NAV3: variants seen among roughly 807,000 people sequenced by gnomAD.
NAV3 encodes the protein pore membrane and/or filament interacting like protein 1.
Under a neutral mutation model 244.7 loss-of-function variants are expected in NAV3, and 87 were observed. The ratio of observed to expected loss-of-function variants is 0.36; its 90% confidence interval spans 0.30 to 0.42. NAV3 has a LOEUF of 0.42. Among genes scored for constraint, NAV3 ranks in the 20% least tolerant of loss-of-function variants. The pLI, the probability that NAV3 is intolerant of heterozygous loss-of-function variation, is 1.00. For synonymous variants in NAV3, 1,126 were observed against 1,042.2 expected, an observed-to-expected ratio of 1.08 and a Z score of -1.55; for missense variants, 2,663 against 2,893.3, an observed-to-expected ratio of 0.92 and a Z score of 1.83.
At chr12:77,684,270 C>T (rs1355484508) in intron 2 of NAV3, among the ~76,000 whole-genome samples, 4 of 151,486 alleles carry the variant, frequency 2.6e-5, no homozygotes, top group Non-Finnish European at 5.9e-5. Flanking sequence ...CCATTTTTAA[C>T]TATTATTATT....
At chr12:77,995,162 C>G (rs1453942393) in intron 6 of NAV3, among the ~76,000 whole-genome samples, 2 of 152,040 alleles carry the variant, frequency 1.3e-5, no homozygotes, top group Non-Finnish European at 2.9e-5. Context: ...TTTGAATGCC[C>G]AATTCCTTCC....
At chr12:78,047,914 T>A (rs1285752676) in intron 9 of NAV3, among the ~76,000 whole-genome samples, 7 of 152,200 alleles carry the variant, frequency 4.6e-5, no homozygotes, top group Admixed American at 4.6e-4. Flanking sequence ...TCCTTTTCAT[T>A]CTTTTTTCTC....
intron 2 of NAV3, among the ~76,000 whole-genome samples, chr12:77,666,812 T>A (rs1441679543): frequency 1.3e-5 from 2 of 152,186 alleles, no homozygotes; most frequent in Non-Finnish European, 2.9e-5. Flanking sequence ...TATTGAGTAT[T>A]TTCTATCTGC....
intron 5 of NAV3, among the ~76,000 whole-genome samples, chr12:77,980,573 T>C (rs866490922): frequency 5.3e-5 from 8 of 152,214 alleles, no homozygotes; most frequent in South Asian, 4.1e-4. Context: ...GTTTAAATTT[T>C]TAGTTTGACA....
intron 9 of NAV3, among the ~76,000 whole-genome samples, chr12:78,022,186 A>G (rs1193028090): frequency 6.6e-6 from 1 of 152,192 alleles, no homozygotes. Context: ...TATATTCTCC[A>G]TGGCTAATGC....
rs749440088 is a variant in NAV3 at position 78,118,116 on chromosome 12, C to T, written c.2859C>T (p.Ser953=). ...AAAAACCAGAAGAAGATTTTGACAG[C>T]CATGGGGATGCTGGTGGCAAGTGGA... ...ELKKPEEDFD[S]HGDAGGKWKT... Residue 953 remains serine (S), a synonymous_variant, in exon 14 of 40, where the codon AGC becomes AGT. Transcript: ENST00000397909. 124 of 1,614,008 alleles carry T rather than the reference C, an allele frequency of 7.7e-5. No individual in the cohort carries two copies. The highest frequency in any genetic ancestry group is 1.0e-4 in the Non-Finnish European group (120 of 1,180,000).
At chr12:77,772,903 A>G (rs1870165962) in intron 2 of NAV3, among the ~76,000 whole-genome samples, 1 of 152,158 alleles carries the variant, frequency 6.6e-6, no homozygotes, top group African/African-American at 2.4e-5. Flanking sequence ...CTCTCCTTTC[A>G]TTGTTGGCAT....
intron 1 of NAV3, among the ~76,000 whole-genome samples, chr12:77,899,140 G>C (rs1884970749): frequency 6.6e-6 from 1 of 152,202 alleles, no homozygotes. Flanking sequence ...TTCTATTCTT[G>C]AGATAGAATC....
chr12:77,872,015 G>A (rs1881042075), intron 1 of NAV3, among the ~76,000 whole-genome samples: 1 of 152,126 alleles, frequency 6.6e-6, no homozygotes, highest in Non-Finnish European at 1.5e-5. Context: ...TTGTGGTTTT[G>A]ATTTGGGTTT....
intron 2 of NAV3, among the ~76,000 whole-genome samples, chr12:77,617,195 G>A (rs1035803113): frequency 2.0e-5 from 3 of 152,262 alleles, no homozygotes; most frequent in East Asian, 3.9e-4. Context: ...TTATTGAAAT[G>A]TGAATTTTGA....
intron 5 of NAV3, among the ~76,000 whole-genome samples, chr12:77,985,017 C>T (rs2136297878): frequency 6.6e-6 from 1 of 152,238 alleles, no homozygotes; most frequent in African/African-American, 2.4e-5. Flanking sequence ...AGGGTTTCAA[C>T]GTGTTAGCCA....
chr12:78,197,882 T>C (rs1029454595), intron 35 of NAV3, among the ~76,000 whole-genome samples: 16 of 151,900 alleles, frequency 1.1e-4, no homozygotes, highest in Non-Finnish European at 1.9e-4. Flanking sequence ...CTGGAGCCTT[T>C]AGAGCTCTGG....
chr12:77,882,306 G>T (rs1193868137), intron 1 of NAV3, among the ~76,000 whole-genome samples: 2 of 152,010 alleles, frequency 1.3e-5, no homozygotes, highest in Non-Finnish European at 2.9e-5. Context: ...TATCCACAAG[G>T]CTGACAAAAA....
chr12:78,181,122 C>G (rs1174199000), intron 30 of NAV3, 77 bp downstream of exon 30: 2 of 1,309,894 alleles, frequency 1.5e-6, no homozygotes, highest in Non-Finnish European at 2.1e-6. Context: ...ATTTGGAGAA[C>G]TTTACGTACT....
At chr12:77,959,655 G>T (rs550113637) in intron 3 of NAV3, among the ~76,000 whole-genome samples, 1 of 151,428 alleles carries the variant, frequency 6.6e-6, no homozygotes, top group Non-Finnish European at 1.5e-5. Flanking sequence ...ATTATTATGG[G>T]CCCCACCATC....
chr12:78,121,819 G>T (rs1223416366), intron 15 of NAV3, 121 bp from the exon 16 acceptor site: 1 of 1,240,920 alleles, frequency 8.1e-7, no homozygotes, highest in East Asian at 2.4e-5. Context: ...CATAGAGACA[G>T]GAAGTGCTTT....
intron 22 of NAV3, among the ~76,000 whole-genome samples, chr12:78,158,470 T>C (rs956179307): frequency 7.9e-5 from 12 of 152,152 alleles, no homozygotes; most frequent in Admixed American, 6.6e-5. Flanking sequence ...TTAAGAGTTA[T>C]AGTTATGTAC....
At chr12:77,645,817 C>G (rs2136969549) in intron 2 of NAV3, among the ~76,000 whole-genome samples, 1 of 152,046 alleles carries the variant, frequency 6.6e-6, no homozygotes, top group Non-Finnish European at 1.5e-5. Flanking sequence ...GAGGGTTGTA[C>G]CTTAAGGGAA....
At chr12:77,622,450 C>T (rs1871417032) in intron 2 of NAV3, among the ~76,000 whole-genome samples, 1 of 151,836 alleles carries the variant, frequency 6.6e-6, no homozygotes, top group Non-Finnish European at 1.5e-5. Context: ...TGAGACACCG[C>T]ACCCGGCCCC....
Sources: gnomAD v4.1 joint callset for allele counts (sites outside exome capture counted in the v4.1 genomes callset) on GRCh38, gnomAD v4.1.1 for gene constraint, MANE v1.5 for transcripts, NCBI Gene and HGNC (gene_info 2026-07-23, HGNC 2026-07-21) for gene names.